Variants in ZNF618 observed in about 807,000 individuals in gnomAD.
ZNF618 encodes zinc finger protein 618, also known as neural precursor cell expressed, developmentally down-regulated 10.
Under a neutral mutation model 103.0 loss-of-function variants are expected in ZNF618, and 34 were observed. That is an observed-to-expected ratio of 0.33 (90% CI 0.25 to 0.44). The LOEUF (loss-of-function observed/expected upper bound fraction) is 0.44. Among genes scored for constraint, ZNF618 ranks in the 20% least tolerant of loss-of-function variants. ZNF618 has a pLI of 1.00. For synonymous variants in ZNF618, 551 were observed against 542.2 expected, an observed-to-expected ratio of 1.02 and a Z score of -0.23; for missense variants, 1,059 against 1,295.4, an observed-to-expected ratio of 0.82 and a Z score of 2.80.
chr9:113,912,394 G>T (rs1340402868), intron 1 of ZNF618, among the ~76,000 whole-genome samples: 1 of 152,176 alleles, frequency 6.6e-6, no homozygotes, highest in African/African-American at 2.4e-5. Flanking sequence ...TTAGTGCTGG[G>T]ATATGGGTGG....
Position 114,019,022 on chromosome 9 carries a change from A to C in ZNF618, c.844+2238A>C, listed in dbSNP as rs559993665. On this transcript the variant is annotated intron_variant, in intron 10 of 14. Transcript: ENST00000374126. ...AGGTGGTATCCATGGCTGGGACTTG[A>C]GACTCTGGGTCTGGTGAGTGTCCAT... 2.6e-5 allele frequency among the ~76,000 whole-genome samples: 4 copies of C among 152,252 alleles called. 1 individual carries two copies. The highest frequency in any genetic ancestry group is 9.6e-5 in the African/African-American group (4 of 41,560).
chr9:113,917,174 T>TA (rs1832188224), intron 1 of ZNF618, among the ~76,000 whole-genome samples: 1 of 152,106 alleles, frequency 6.6e-6, no homozygotes, highest in Non-Finnish European at 1.5e-5. Context: ...CTTTTCTAGT[T>TA]ATTTTCTGGG....
At chr9:113,915,348 T>C (rs1831973072) in intron 1 of ZNF618, among the ~76,000 whole-genome samples, 1 of 152,124 alleles carries the variant, frequency 6.6e-6, no homozygotes, top group Non-Finnish European at 1.5e-5. Context: ...AAAGATGAGA[T>C]GAAGGACTAG....
chr9:113,964,547 A>G (rs1837180579), intron 1 of ZNF618, among the ~76,000 whole-genome samples: 1 of 152,136 alleles, frequency 6.6e-6, no homozygotes, highest in Non-Finnish European at 1.5e-5. Flanking sequence ...CTTAAAAAAA[A>G]AAATGCCATT....
chr9:113,934,988 C>A (rs577077555), intron 1 of ZNF618, among the ~76,000 whole-genome samples: 3 of 152,288 alleles, frequency 2.0e-5, no homozygotes, highest in African/African-American at 7.2e-5. Context: ...TGCCCAGGGT[C>A]CCTCACAAGC....
At position 114,032,718 on chromosome 9, in the gene ZNF618, G is replaced by A; in HGVS notation, c.1158G>A (p.Gln386=). 1 of 1,614,048 alleles carries A rather than the reference G, an allele frequency of 6.2e-7. No homozygotes were observed. Among genetic ancestry groups the A allele is most frequent in the Non-Finnish European group, 8.5e-7 (1 of 1,179,878 alleles). The change falls in exon 12 of 15, where the codon CAG becomes CAA. Residue 386 remains glutamine, a synonymous_variant. Transcript: ENST00000374126. ...TTGAAGAGACGAACAGCAGTTCGCA[G>A]AACTCCAGCGGTGAGTGTGCCCCTT... The part of the protein sequence containing the change: ...NHFEETNSSS[Q]NSSEPYTCGA...
intron 1 of ZNF618, among the ~76,000 whole-genome samples, chr9:113,913,826 A>G (rs190410388): frequency 3.9e-4 from 60 of 152,236 alleles, no homozygotes; most frequent in African/African-American, 1.4e-3. Flanking sequence ...TTCTCTCCTA[A>G]TCTTAGAAGT....
At chr9:113,955,079 C>T (rs1181462264) in intron 1 of ZNF618, among the ~76,000 whole-genome samples, 1 of 152,028 alleles carries the variant, frequency 6.6e-6, no homozygotes, top group Non-Finnish European at 1.5e-5. Flanking sequence ...TCTCTATTCA[C>T]TCATCACCTG....
At chr9:113,878,321 T>C (rs570370690) in intron 1 of ZNF618, among the ~76,000 whole-genome samples, 142 of 152,270 alleles carry the variant, frequency 9.3e-4, no homozygotes, top group Admixed American at 1.6e-3. Flanking sequence ...AAATGTGATA[T>C]AACACCAACT....
At position 113,928,537 on chromosome 9, in the gene ZNF618, A is replaced by C. The variant is rs1833295943; in HGVS notation, c.34-40580A>C. Among the ~76,000 whole-genome samples the C allele has an allele frequency of 2.0e-5, 3 of 152,148 alleles. No individual in the cohort carries two copies. In the South Asian group the frequency reaches 6.2e-4, roughly 32 times the overall value. On this transcript the variant is annotated intron_variant, in intron 1 of 14. Coordinates refer to ENST00000374126, the MANE Select transcript of ZNF618 (RefSeq NM_001318042.2). Reference sequence around the variant, plus strand: ...ATTAATAGAAACAGAGGTCATGAGGATATTAGTGTGAAGTTTTATGTTTAT... The same window carrying C: ...ATTAATAGAAACAGAGGTCATGAGGCTATTAGTGTGAAGTTTTATGTTTAT...
Position 114,048,819 on chromosome 9 carries a change from A to C in ZNF618, c.1517A>C (p.Tyr506Ser), listed in dbSNP as rs373735776. Residue 506 changes from tyrosine (Y) to serine (S), a missense_variant, in exon 15 of 15, where the codon TAT (tyrosine) becomes TCT (serine). Physicochemically the swap from Tyr to Ser is moderately radical, Grantham distance 144. Around this residue, in one of 6 missense-constraint regions of ZNF618, gnomAD observed 434 missense variants for 476.0 expected, o/e 0.91. Coordinates refer to ENST00000374126, the MANE Select transcript of ZNF618 (RefSeq NM_001318042.2). ...AQTLVDSGAR[Y>S]GAFSVTEILG... is the part of the protein sequence containing the mutation. ...ACCTTAGTAGACAGTGGTGCCCGCT[A>C]TGGGGCCTTCTCGGTCACTGAAATC... 1 of 1,613,404 alleles carries C rather than the reference A, an allele frequency of 6.2e-7. No homozygotes were observed. Among genetic ancestry groups the C allele is most frequent in the South Asian group, 1.1e-5 (1 of 90,986 alleles).
chr9:114,017,512 C>T (rs1017542683), intron 10 of ZNF618, among the ~76,000 whole-genome samples: 3 of 152,172 alleles, frequency 2.0e-5, no homozygotes, highest in African/African-American at 4.8e-5. Context: ...CTCAGATCCC[C>T]GAGTATATGA....
In ZNF618 at chr9:113,917,219, A is replaced by C. The variant is rs117491819; in HGVS notation, c.33+40806A>C. ...CTGGATATATCCTTCTTTGCCTAGC[A>C]AGCCTTCTCTCTATCCTTTTTTTTT... On this transcript the variant is annotated intron_variant, in intron 1 of 14. Coordinates refer to ENST00000374126, the MANE Select transcript of ZNF618 (RefSeq NM_001318042.2). Among the ~76,000 whole-genome samples, 18 of 148,800 alleles carry C rather than the reference A, an allele frequency of 1.2e-4. No individual in the cohort carries two copies. In the East Asian group the frequency reaches 3.1e-3, roughly 26 times the overall value.
chr9:114,013,420 TTTTA>T (rs773667001), intron 9 of ZNF618, among the ~76,000 whole-genome samples: 2 of 151,764 alleles, frequency 1.3e-5, no homozygotes, highest in African/African-American at 2.4e-5. Flanking sequence ...AAAATGAGGG[TTTTA>T]TTTATTTTTT....
At position 114,048,403 on chromosome 9, in the gene ZNF618, C is replaced by T. The variant is rs181161838; in HGVS notation, c.1349-248C>T. ...AAAGATCTAGGGGAATGACATAGACCGCAATTATGTTGCATACATACCACT... is the reference window on the plus strand; with the variant it reads ...AAAGATCTAGGGGAATGACATAGACTGCAATTATGTTGCATACATACCACT... On this transcript the variant is annotated intron_variant, in intron 14 of 14. Transcript: ENST00000374126. Among the ~76,000 whole-genome samples the T allele has an allele frequency of 1.5e-4, 23 of 152,208 alleles. No individual in the cohort carries two copies. In the South Asian group the frequency reaches 3.3e-3, roughly 22 times the overall value.
chr9:113,988,285 GGAA>G (rs751316447), intron 2 of ZNF618, 33 bp from the exon 3 acceptor site: 12 of 1,585,270 alleles, frequency 7.6e-6, no homozygotes, highest in Non-Finnish European at 5.1e-6. Context: ...TTGATCTGGA[GGAA>G]GAAGGTATTG....
chr9:114,047,775 C>T (rs570004297), intron 13 of ZNF618, 118 bp from the exon 14 acceptor site: 2 of 778,060 alleles, frequency 2.6e-6, no homozygotes, highest in South Asian at 1.8e-5. Flanking sequence ...GATTTTAACC[C>T]AGGCCTGAGT....
In ZNF618 at chr9:114,050,194, AAAAAG is replaced by A. The variant is rs2134711837; in HGVS notation, c.*29_*33del. 1 of 1,516,748 alleles carries A rather than the reference AAAAAG, an allele frequency of 6.6e-7. No homozygotes were observed. The highest frequency in any genetic ancestry group is 2.3e-5 in the East Asian group (1 of 44,026). The allele number at this position is 1,516,748 out of a possible 1,614,324, so 94.0% of individuals were successfully genotyped here. A position where few individuals can be genotyped will look rare whatever the true frequency, so the allele number is the denominator to read the frequency against. ...ACTTGACTTCGGGGGAAAAAAAAAG[AAAAAG>A]AGAAGATAACATTAGAAAAAAACCA... On this transcript the variant is annotated 3_prime_UTR_variant, in exon 15 of 15. Transcript: ENST00000374126.
intron 1 of ZNF618, among the ~76,000 whole-genome samples, chr9:113,931,676 G>A (rs1352566926): frequency 6.6e-6 from 1 of 152,190 alleles, no homozygotes; most frequent in Non-Finnish European, 1.5e-5. Flanking sequence ...GAGATGTGCT[G>A]TAAGTGTAAA....
Sources: allele counts gnomAD v4.1 joint callset (sites outside exome capture counted in the v4.1 genomes callset), GRCh38; gene constraint gnomAD v4.1.1; regional missense constraint gnomAD v4.1.1; transcripts MANE v1.5; gene names NCBI Gene and HGNC (gene_info 2026-07-23, HGNC 2026-07-21).